CDH19: variants seen among roughly 807,000 people sequenced by gnomAD.
CDH19 encodes the protein cadherin-19.
In CDH19, 67 loss-of-function variants were observed where a neutral mutation model predicts 64.2. The observed-to-expected ratio is 1.04, with a 90% confidence interval of 0.86 to 1.28. CDH19 has a LOEUF of 1.28. Among genes scored for constraint, CDH19 ranks in the 50% most tolerant of loss-of-function variants. CDH19 has a pLI of 0.00. For synonymous variants in CDH19, 346 were observed against 319.3 expected (o/e 1.08, Z -0.89); for missense variants, 1,030 against 929.0 (o/e 1.11, Z -1.41).
intron 5 of CDH19, among the ~76,000 whole-genome samples, chr18:66,547,137 A>G (rs1178586424): frequency 6.6e-6 from 1 of 152,182 alleles, no homozygotes; most frequent in Non-Finnish European, 1.5e-5. Context: ...GCACTAATAG[A>G]GACGAAATAA....
intron 1 of CDH19, among the ~76,000 whole-genome samples, chr18:66,592,166 C>A (rs775126693): frequency 3.3e-5 from 5 of 151,794 alleles, no homozygotes; most frequent in Admixed American, 6.6e-5. Flanking sequence ...TGTCTTAAAT[C>A]CCTCAAGTAA....
In CDH19 at chr18:66,505,168, CA is replaced by C. The variant is rs1469366673; in HGVS notation, c.1962del (p.Phe654LeufsTer3). The C allele has an allele frequency of 6.2e-7, 1 of 1,613,340 alleles. No homozygotes were observed. Among genetic ancestry groups the C allele is most frequent in the East Asian group, 2.2e-5 (1 of 44,860 alleles). On this transcript the variant is annotated frameshift_variant, in exon 12 of 12. Transcript: ENST00000262150. LOFTEE classifies it low-confidence loss of function (END_TRUNC). ...GTACTACTCCTCAGCTCTGCTATAT[CA>C]AAGGCCTCTGTATCTTCTTCTCCAC... ...EGGGEEDTEA[F>X]DIAELRSSTI...
intron 5 of CDH19, among the ~76,000 whole-genome samples, chr18:66,545,500 G>C (rs1287989066): frequency 2.7e-5 from 4 of 147,670 alleles, no homozygotes; most frequent in African/African-American, 1.0e-4. Flanking sequence ...TCTCCTATTT[G>C]AGCATCTATC....
chr18:66,541,091 A>C (rs189772688), intron 7 of CDH19, among the ~76,000 whole-genome samples: 1 of 152,224 alleles, frequency 6.6e-6, no homozygotes, highest in East Asian at 1.9e-4. Flanking sequence ...ATAAAGGTAG[A>C]TCTTGCTCCT....
intron 3 of CDH19, among the ~76,000 whole-genome samples, chr18:66,568,030 C>G (rs1987971514): frequency 6.6e-6 from 1 of 151,804 alleles, no homozygotes; most frequent in African/African-American, 2.4e-5. Context: ...AATAAATTCA[C>G]TTTTCCTATT....
rs915173732 is a variant in CDH19 at position 66,528,195 on chromosome 18, A to G, written c.1458+1650T>C. 3.9e-5 allele frequency among the ~76,000 whole-genome samples: 6 copies of G among 152,106 alleles called. No homozygotes were observed. The South Asian group carries it at 6.2e-4, about 16-fold the overall frequency. On this transcript the variant is annotated intron_variant, in intron 9 of 11. Coordinates refer to ENST00000262150, the MANE Select transcript of CDH19 (RefSeq NM_021153.4). ...GCTTGTTATATTTGTCAATGTGTCTAAGTAATCAGATGTGTTTGAAATTCT... is the reference window on the plus strand; with the variant it reads ...GCTTGTTATATTTGTCAATGTGTCTGAGTAATCAGATGTGTTTGAAATTCT...
At chr18:66,543,249 G>C (rs558639583) in intron 7 of CDH19, among the ~76,000 whole-genome samples, 10 of 151,914 alleles carry the variant, frequency 6.6e-5, no homozygotes, top group Non-Finnish European at 1.3e-4. Context: ...GGATGGTCTC[G>C]ATCTCCTGAC....
rs74173408 is a variant in CDH19, at chr18:66,524,542, G to GTGTATATATATATATATATA, written c.1458+5302_1458+5303insTATATATATATATATATACA. On this transcript the variant is annotated intron_variant, in intron 9 of 11. Transcript: ENST00000262150. Reference sequence around the variant, plus strand: ...ACAATATATGCGTGTATGTTTGTGTGTATATATATATATATATATATATAT... The same window carrying GTGTATATATATATATATATA: ...ACAATATATGCGTGTATGTTTGTGTGTGTATATATATATATATATATATATATATATATATATATATATAT... 4.2e-5 allele frequency among the ~76,000 whole-genome samples: 4 copies of GTGTATATATATATATATATA among 94,574 alleles called. No homozygotes were observed. The East Asian group carries it at 1.2e-3, about 29-fold the overall frequency. 62.0% of individuals were successfully genotyped at this position (94,574 alleles called of 152,430 possible).
At chr18:66,521,223 ATTGTG>A (rs1463454930) in intron 9 of CDH19, among the ~76,000 whole-genome samples, 3 of 152,100 alleles carry the variant, frequency 2.0e-5, no homozygotes, top group Admixed American at 6.5e-5. Flanking sequence ...ATGAATGCAT[ATTGTG>A]GAAAATAATT....
intron 8 of CDH19, among the ~76,000 whole-genome samples, chr18:66,534,222 G>A (rs906319492): frequency 6.6e-6 from 1 of 151,902 alleles, no homozygotes. Context: ...TTATTCCATT[G>A]TAACATTTGC....
At chr18:66,545,724 A>C (rs544451477) in intron 5 of CDH19, among the ~76,000 whole-genome samples, 2 of 152,260 alleles carry the variant, frequency 1.3e-5, no homozygotes, top group African/African-American at 4.8e-5. Flanking sequence ...GAGAGTCTGC[A>C]TGCAAATAGT....
At chr18:66,564,180 C>T (rs1371068702) in intron 3 of CDH19, among the ~76,000 whole-genome samples, 1 of 151,758 alleles carries the variant, frequency 6.6e-6, no homozygotes, top group Non-Finnish European at 1.5e-5. Context: ...TCCTTTATGA[C>T]ATATTGTACC....
intron 3 of CDH19, among the ~76,000 whole-genome samples, chr18:66,563,529 A>T (rs1445027554): frequency 6.6e-6 from 1 of 152,046 alleles, no homozygotes; most frequent in Admixed American, 6.6e-5. Flanking sequence ...TGCATATGTA[A>T]TTTCTGCAAC....
intron 3 of CDH19, among the ~76,000 whole-genome samples, chr18:66,563,471 C>T (rs1228456239): frequency 6.6e-6 from 1 of 151,910 alleles, no homozygotes; most frequent in Non-Finnish European, 1.5e-5. Flanking sequence ...GTATAATTGT[C>T]AACTTCAATG....
At chr18:66,581,453 A>G (rs1220032577) in intron 1 of CDH19, among the ~76,000 whole-genome samples, 1 of 151,924 alleles carries the variant, frequency 6.6e-6, no homozygotes, top group Middle Eastern at 3.2e-3. Flanking sequence ...GCCAGAGGAG[A>G]TTAACATTAG....
chr18:66,592,803 T>C (rs142375789), intron 1 of CDH19, among the ~76,000 whole-genome samples: 87 of 151,984 alleles, frequency 5.7e-4, no homozygotes, highest in African/African-American at 2.0e-3. Context: ...GACACTTAGT[T>C]TTCTTCCATA....
At chr18:66,576,533 AC>A (rs1389020873) in intron 1 of CDH19, among the ~76,000 whole-genome samples, 1 of 151,620 alleles carries the variant, frequency 6.6e-6, no homozygotes, top group Non-Finnish European at 1.5e-5. Flanking sequence ...ATAATATAAA[AC>A]AATATCATTT....
chr18:66,517,713 G>A (rs7233749), intron 9 of CDH19, among the ~76,000 whole-genome samples: 42,463 of 151,756 alleles, frequency 0.28, 6,556 homozygotes, highest in African/African-American at 0.4. Flanking sequence ...GGCTGTTTGA[G>A]CATGTGGGAA....
At chr18:66,602,554 G>A (rs1218659769) in intron 1 of CDH19, among the ~76,000 whole-genome samples, 2 of 151,782 alleles carry the variant, frequency 1.3e-5, no homozygotes, top group Non-Finnish European at 2.9e-5. Flanking sequence ...TATGCTTTTC[G>A]ATATATGCAG....
Sources: gnomAD v4.1 joint callset for allele counts (sites outside exome capture counted in the v4.1 genomes callset) on GRCh38, gnomAD v4.1.1 for gene constraint, MANE v1.5 for transcripts, NCBI Gene and HGNC (gene_info 2026-07-23, HGNC 2026-07-21) for gene names.